Variants in KLHL13 observed in about 807,000 individuals in gnomAD.
KLHL13 encodes kelch like family member 13, also known as kelch-like protein 13.
A neutral mutation model predicts 37.1 loss-of-function variants in KLHL13; 10 were observed. The observed-to-expected ratio is 0.27, with a 90% CI of 0.17 to 0.46. The LOEUF (loss-of-function observed/expected upper bound fraction) is 0.46. Among genes scored for constraint, KLHL13 ranks in the 20% least tolerant of loss-of-function variants. KLHL13 has a pLI of 1.00. For synonymous variants in KLHL13, 163 were observed against 181.2 expected, an observed-to-expected ratio of 0.90 and a Z score of 0.81; for missense variants, 360 against 509.3, an observed-to-expected ratio of 0.71 and a Z score of 2.82.
intron 1 of KLHL13, among the ~76,000 whole-genome samples, chrX:118,008,346 T>A (rs2054011267): frequency 8.9e-6 from 1 of 112,203 alleles, no homozygotes; most frequent in Non-Finnish European, 1.9e-5. Context: ...CCTATCAGCG[T>A]AAATGTATGC....
At chrX:117,975,497 T>C (rs980962486), upstream of KLHL13, among the ~76,000 whole-genome samples, 1 of 111,259 alleles carries the variant, frequency 9.0e-6, no homozygotes, top group Non-Finnish European at 1.9e-5. Context: ...TTGCAGCAAT[T>C]CTCCTGCCTC....
At chrX:117,930,242 GAGGAAGGAAGGA>G (rs757311737) in intron 2 of KLHL13, among the ~76,000 whole-genome samples, 267 of 62,981 alleles carry the variant, frequency 4.2e-3, no homozygotes, top group East Asian at 0.025. Flanking sequence ...GGAAGGAAGG[GAGGAAGGAAGGA>G]AGGAAGGAAG....
intron 1 of KLHL13, among the ~76,000 whole-genome samples, chrX:118,008,970 A>C (rs1395441131): frequency 2.7e-5 from 3 of 112,067 alleles, no homozygotes; most frequent in African/African-American, 9.7e-5. Context: ...AGCTATTATA[A>C]TGACTCTTGC....
At chrX:117,933,071 T>A (rs1932544591) in intron 2 of KLHL13, among the ~76,000 whole-genome samples, 1 of 108,639 alleles carries the variant, frequency 9.2e-6, no homozygotes, top group South Asian at 3.8e-4. Context: ...GATAATTTAT[T>A]TTTTTTTTTG....
intron 1 of KLHL13, among the ~76,000 whole-genome samples, chrX:117,959,087 T>TAA (rs36059732): frequency 0.015 from 1,643 of 109,739 alleles, 28 homozygotes; most frequent in African/African-American, 0.052. Context: ...GCACATCATT[T>TAA]AAAAAAAACA....
At chrX:117,951,441 G>T (rs1933596262) in intron 1 of KLHL13, among the ~76,000 whole-genome samples, 1 of 111,251 alleles carries the variant, frequency 9.0e-6, no homozygotes, top group African/African-American at 3.3e-5. Flanking sequence ...ATTAATTGTT[G>T]TTTAAAGAAT....
intron 1 of KLHL13, among the ~76,000 whole-genome samples, chrX:117,980,004 A>G (rs1269899933): frequency 8.9e-6 from 1 of 112,133 alleles, no homozygotes; most frequent in African/African-American, 3.2e-5. Flanking sequence ...TGTACAGTGC[A>G]ACTGAACAGT....
Position 118,007,674 on chromosome X carries a change from T to A in KLHL13, c.-55-62099A>T, listed in dbSNP as rs763748488. On this transcript the variant is annotated intron_variant, in intron 1 of 6. Coordinates refer to the KLHL13 transcript ENST00000371882. ...TCAGCTATGTCGTGCTGTGCTGATA[T>A]AGGAAAACATCTTTACCTTCAGGAT... Among the ~76,000 whole-genome samples, 233 of 111,551 alleles carry A rather than the reference T, an allele frequency of 2.1e-3. 1 individual carries two copies. The highest frequency in any genetic ancestry group is 3.7e-3 in the Non-Finnish European group (199 of 53,138).
rs182310806 is a variant in KLHL13 at position 118,029,029 on chromosome X, A to C, written c.-55-83454T>G. 1.6e-3 allele frequency among the ~76,000 whole-genome samples: 180 copies of C among 111,628 alleles called. 2 individuals are homozygous for C. The highest frequency in any genetic ancestry group is 5.7e-3 in the African/African-American group (174 of 30,755). On this transcript the variant is annotated intron_variant, in intron 1 of 6. Coordinates refer to the KLHL13 transcript ENST00000371882. The stretch of plus-strand genomic sequence containing the variant: ...AGTAGCGGTCTCAGTTATCAAAAAA[A>C]CATAGTATATATAGGGTTCGGTACT...
At chrX:117,902,340 A>G (rs1200715612) in intron 5 of KLHL13, among the ~76,000 whole-genome samples, 1 of 112,109 alleles carries the variant, frequency 8.9e-6, no homozygotes, top group East Asian at 2.8e-4. Flanking sequence ...CCCCATGTTG[A>G]TAGAAACAAA....
chrX:117,916,447 C>A (rs1372654274), intron 4 of KLHL13, among the ~76,000 whole-genome samples: 1 of 112,037 alleles, frequency 8.9e-6, no homozygotes, highest in Non-Finnish European at 1.9e-5. Flanking sequence ...AAAAATGCCA[C>A]ATCCTATAAA....
At chrX:117,898,993 C>T (rs1929913439) in exon 7 of KLHL13, 2 of 1,209,490 alleles carry the variant, frequency 1.7e-6, no homozygotes, top group African/African-American at 1.7e-5. Context: ...AGCACGAATG[C>T]CACCAAGGGA....
intron 1 of KLHL13, among the ~76,000 whole-genome samples, chrX:118,099,396 C>T (rs1408875552): frequency 1.8e-5 from 2 of 111,415 alleles, no homozygotes; most frequent in African/African-American, 6.5e-5. Context: ...TTCATTAGGT[C>T]CTAAAAAGTA....
chrX:118,042,747 A>C (rs1291859348), intron 1 of KLHL13, among the ~76,000 whole-genome samples: 2 of 111,547 alleles, frequency 1.8e-5, no homozygotes, highest in Admixed American at 1.9e-4. Flanking sequence ...CAGTGAAAGC[A>C]GTACTTAAAG....
At chrX:117,951,392 A>T (rs1422363697) in intron 1 of KLHL13, among the ~76,000 whole-genome samples, 1 of 112,257 alleles carries the variant, frequency 8.9e-6, no homozygotes, top group African/African-American at 3.2e-5. Flanking sequence ...AATACCAACA[A>T]GAGTGAGCTT....
At position 117,971,498 on chromosome X, in the gene KLHL13, A is replaced by AT. The variant is rs375993032; in HGVS notation, c.98+1232dup. On this transcript the variant is annotated intron_variant, in intron 1 of 6. Transcript: ENST00000262820. Reference sequence around the variant, plus strand: ...CTGGTTTATTTTTACAAACTAGCCTATTTTTTTTTTTACTTCATAAAGTTT... The same window carrying AT: ...CTGGTTTATTTTTACAAACTAGCCTATTTTTTTTTTTTACTTCATAAAGTTT... Among the ~76,000 whole-genome samples the AT allele has an allele frequency of 4.6e-3, 481 of 105,527 alleles. 2 individuals carry two copies. Among genetic ancestry groups the AT allele is most frequent in the African/African-American group, 0.014 (402 of 29,279 alleles). The allele number at this position is 105,527 out of a possible 115,157, so 91.6% of individuals were successfully genotyped here. A position where few individuals can be genotyped will look rare whatever the true frequency, so the allele number is the denominator to read the frequency against.
intron 1 of KLHL13, among the ~76,000 whole-genome samples, chrX:118,086,526 AT>A (rs957471120): frequency 1.8e-5 from 2 of 111,889 alleles, no homozygotes; most frequent in African/African-American, 3.2e-5. Flanking sequence ...TTATATCTCA[AT>A]TTTTTTAATT....
At chrX:117,930,242 G>GAGGAAGGAAGGAAGGAAGGA (rs757311737) in intron 2 of KLHL13, among the ~76,000 whole-genome samples, 120 of 62,978 alleles carry the variant, frequency 1.9e-3, no homozygotes, top group Middle Eastern at 9.1e-3. Flanking sequence ...GGAAGGAAGG[G>GAGGAAGGAAGGAAGGAAGGA]AGGAAGGAAG....
chrX:117,927,457 G>A (rs1347275924), intron 2 of KLHL13, among the ~76,000 whole-genome samples: 1 of 112,200 alleles, frequency 8.9e-6, no homozygotes, highest in Non-Finnish European at 1.9e-5. Context: ...CTCTCTCTTT[G>A]TCTTTGGGCC....
Sources: gnomAD v4.1 joint callset for allele counts (sites outside exome capture counted in the v4.1 genomes callset) on GRCh38, gnomAD v4.1.1 for gene constraint, MANE v1.5 for transcripts, NCBI Gene and HGNC (gene_info 2026-07-23, HGNC 2026-07-21) for gene names.